SNX9: variants seen among roughly 807,000 people sequenced by gnomAD.
SNX9 encodes sorting nexin-9.
Under a neutral mutation model 89.4 loss-of-function variants are expected in SNX9, and 44 were observed. The observed-to-expected ratio is 0.49, with a 90% confidence interval of 0.39 to 0.63. The LOEUF is 0.63. Ranked by LOEUF, SNX9 falls within the 30% of genes least tolerant of loss-of-function variation. SNX9 has a pLI of 0.00. For missense variants in SNX9, 578 were observed against 736.1 expected (o/e 0.79, Z 2.49); for synonymous variants, 236 against 247.8 (o/e 0.95, Z 0.45).
In SNX9 at chr6:157,933,107, G is replaced by A. The variant is rs536644393; in HGVS notation, c.1366+835G>A. 2.0e-5 allele frequency among the ~76,000 whole-genome samples: 3 copies of A among 152,032 alleles called. No homozygotes were observed. The South Asian group carries it at 6.2e-4, about 32-fold the overall frequency. The stretch of plus-strand genomic sequence containing the variant: ...AGGGAAAGGAACCCAGGCAACATAA[G>A]GAGACCCCATCTCTACAAAAAAATA... On this transcript the variant is annotated intron_variant, in intron 13 of 17. Transcript: ENST00000392185.
At chr6:157,925,296 A>G (rs1209246418) in intron 10 of SNX9, among the ~76,000 whole-genome samples, 1 of 150,912 alleles carries the variant, frequency 6.6e-6, no homozygotes, top group African/African-American at 2.5e-5. Context: ...TAAAACCACA[A>G]TAAGATGCCA....
intron 1 of SNX9, among the ~76,000 whole-genome samples, chr6:157,827,925 T>C (rs556930354): frequency 3.1e-4 from 47 of 151,788 alleles, no homozygotes; most frequent in South Asian, 1.5e-3. Context: ...GTTACACAGC[T>C]TGTCTGGTTA....
At chr6:157,918,526 G>T (rs1783519841) in intron 9 of SNX9, among the ~76,000 whole-genome samples, 1 of 152,132 alleles carries the variant, frequency 6.6e-6, no homozygotes, top group Admixed American at 6.5e-5. Flanking sequence ...AGGCAAGATA[G>T]TTGGATCTTA....
chr6:157,930,635 C>T (rs1173571336), intron 12 of SNX9, among the ~76,000 whole-genome samples: 1 of 152,144 alleles, frequency 6.6e-6, no homozygotes, highest in African/African-American at 2.4e-5. Context: ...TTAAGAGCCA[C>T]GCATACAAGC....
At chr6:157,926,026 T>A (rs1260614380) in intron 10 of SNX9, among the ~76,000 whole-genome samples, 1 of 152,216 alleles carries the variant, frequency 6.6e-6, no homozygotes, top group African/African-American at 2.4e-5. Flanking sequence ...TTTATCAGGA[T>A]GCTAATCTCA....
At chr6:157,861,871 G>A (rs1311761018) in intron 1 of SNX9, among the ~76,000 whole-genome samples, 2 of 152,040 alleles carry the variant, frequency 1.3e-5, no homozygotes, top group African/African-American at 4.8e-5. Flanking sequence ...TGTGCATCAG[G>A]GTCATTATTA....
At chr6:157,923,952 A>G (rs1291143442) in intron 10 of SNX9, among the ~76,000 whole-genome samples, 2 of 152,206 alleles carry the variant, frequency 1.3e-5, no homozygotes, top group Non-Finnish European at 2.9e-5. Flanking sequence ...TTTTTAAAAC[A>G]TGTCCCAGGC....
chr6:157,827,862 C>CTT (rs67464115), intron 1 of SNX9, among the ~76,000 whole-genome samples: 7 of 133,932 alleles, frequency 5.2e-5, no homozygotes, highest in Admixed American at 3.1e-4. Flanking sequence ...GTTCCTGATG[C>CTT]TTTTTTTTTT....
chr6:157,924,292 T>A (rs1474456338), intron 10 of SNX9: 3 of 152,030 alleles, frequency 2.0e-5, no homozygotes, highest in Non-Finnish European at 4.4e-5. Context: ...GGAGAATACC[T>A]ATGAAACAAG....
chr6:157,915,638 A>ATATATATATAT (rs1341603130), intron 9 of SNX9, among the ~76,000 whole-genome samples: 12 of 77,334 alleles, frequency 1.6e-4, no homozygotes, highest in African/African-American at 6.0e-4. Context: ...AAAAAAAAAA[A>ATATATATATAT]AAATATATAT....
rs1263648707 is a variant in SNX9 at position 157,929,337 on chromosome 6, AG to A, written c.1288+638del. The stretch of plus-strand genomic sequence containing the variant: ...GAAAAATAGTCCCGTATCCAGCTGT[AG>A]GGCTAATGCCACGGGCTGCTGCCCT... On this transcript the variant is annotated intron_variant, in intron 12 of 17. Transcript: ENST00000392185. Among the ~76,000 whole-genome samples, 3 of 152,210 alleles carry A rather than the reference AG, an allele frequency of 2.0e-5. No homozygotes were observed. The East Asian group carries it at 5.8e-4, about 29-fold the overall frequency.
At chr6:157,907,664 G>A (rs553150358) in intron 7 of SNX9, among the ~76,000 whole-genome samples, 2 of 152,284 alleles carry the variant, frequency 1.3e-5, no homozygotes, top group African/African-American at 4.8e-5. Context: ...TTCATTGACC[G>A]GCAAGTTTTA....
At chr6:157,825,199 G>A (rs1486828619) in intron 1 of SNX9, among the ~76,000 whole-genome samples, 2 of 152,172 alleles carry the variant, frequency 1.3e-5, no homozygotes, top group Admixed American at 1.3e-4. Flanking sequence ...AGTGATCCGA[G>A]ATCGCGCCAC....
intron 14 of SNX9, among the ~76,000 whole-genome samples, chr6:157,936,256 G>A (rs912660812): frequency 6.6e-6 from 1 of 152,240 alleles, no homozygotes; most frequent in African/African-American, 2.4e-5. Context: ...GCCAGGCACA[G>A]TGGCTCACAC....
intron 2 of SNX9, among the ~76,000 whole-genome samples, chr6:157,870,306 GCA>G (rs921430454): frequency 2.0e-4 from 30 of 146,552 alleles, no homozygotes; most frequent in African/African-American, 2.3e-4. Context: ...GTGTGAGCAC[GCA>G]CACACACCTA....
At chr6:157,834,879 G>C (rs1276678837) in intron 1 of SNX9, among the ~76,000 whole-genome samples, 1 of 152,090 alleles carries the variant, frequency 6.6e-6, no homozygotes, top group Non-Finnish European at 1.5e-5. Context: ...CGTATTCAAT[G>C]TCCTTGCAAC....
At chr6:157,867,483 C>G (rs529452873) in intron 1 of SNX9, 64 bp from the exon 2 acceptor site, 2 of 1,302,918 alleles carry the variant, frequency 1.5e-6, no homozygotes, top group African/African-American at 2.9e-5. Context: ...AACTGTACAC[C>G]TTTTGTGTTT....
At chr6:157,926,786 A>G (rs1313688515) in intron 10 of SNX9, among the ~76,000 whole-genome samples, 1 of 149,876 alleles carries the variant, frequency 6.7e-6, no homozygotes, top group Non-Finnish European at 1.5e-5. Flanking sequence ...GTCTCAAAAA[A>G]AAAAAAAAAA....
At chr6:157,892,094 C>T (rs367558095) in intron 4 of SNX9, among the ~76,000 whole-genome samples, 4 of 151,994 alleles carry the variant, frequency 2.6e-5, no homozygotes, top group African/African-American at 7.3e-5. Context: ...GATGAAGATG[C>T]TGCTCAGTAG....
Sources: gnomAD v4.1 joint callset for allele counts (sites outside exome capture counted in the v4.1 genomes callset) on GRCh38, gnomAD v4.1.1 for gene constraint, MANE v1.5 for transcripts, NCBI Gene and HGNC (gene_info 2026-07-23, HGNC 2026-07-21) for gene names.